ADGRL3: variants seen among roughly 807,000 people sequenced by gnomAD.
The protein encoded by ADGRL3 is calcium-independent alpha-latrotoxin receptor 3.
Under a neutral mutation model 153.5 loss-of-function variants are expected in ADGRL3, and 62 were observed. That is an observed-to-expected ratio of 0.40 (90% CI 0.33 to 0.50). ADGRL3 has a LOEUF of 0.50. Among genes scored for constraint, ADGRL3 ranks in the 20% least tolerant of loss-of-function variants. The pLI, the probability that ADGRL3 is intolerant of heterozygous loss-of-function variation, is 0.47. For missense variants in ADGRL3, 1,641 were observed against 1,859.4 expected, an observed-to-expected ratio of 0.88 and a Z score of 2.16; for synonymous variants, 710 against 672.5, an observed-to-expected ratio of 1.06 and a Z score of -0.86.
intron 5 of ADGRL3, among the ~76,000 whole-genome samples, chr4:61,618,769 T>C (rs1323770817): frequency 2.0e-5 from 3 of 152,054 alleles, no homozygotes. Flanking sequence ...CAAGCTGGAG[T>C]GTAATGGCAG....
At chr4:61,404,889 C>T (rs1298140235) in intron 2 of ADGRL3, among the ~76,000 whole-genome samples, 1 of 151,848 alleles carries the variant, frequency 6.6e-6, no homozygotes, top group African/African-American at 2.4e-5. Flanking sequence ...TACTAGTATC[C>T]TCATATTGCA....
In ADGRL3 at chr4:61,708,125, T is replaced by C. The variant is rs549548625; in HGVS notation, c.584-22497T>C. On this transcript the variant is annotated intron_variant, in intron 6 of 26. Coordinates refer to ENST00000683033, the MANE Select transcript of ADGRL3 (RefSeq NM_001387552.1). ...TTATTTCCAAACTTACCGTCTTCTT[T>C]TTGTTTAGTACTGCAAATATTTTCA... 1.9e-3 allele frequency among the ~76,000 whole-genome samples: 283 copies of C among 152,252 alleles called. 1 individual carries two copies. Among genetic ancestry groups the C allele is most frequent in the African/African-American group, 6.7e-3 (278 of 41,536 alleles).
chr4:61,668,342 CA>C (rs1465788349), intron 5 of ADGRL3, among the ~76,000 whole-genome samples: 2 of 152,176 alleles, frequency 1.3e-5, no homozygotes, highest in African/African-American at 4.8e-5. Flanking sequence ...CAAACCATGC[CA>C]GCATCTTGGT....
intron 5 of ADGRL3, among the ~76,000 whole-genome samples, chr4:61,612,277 T>G (rs907463002): frequency 1.5e-4 from 23 of 152,180 alleles, no homozygotes; most frequent in Admixed American, 9.2e-4. Flanking sequence ...TTATTGTGAA[T>G]TTTATCAAAC....
chr4:61,620,975 A>G (rs1371115625), intron 5 of ADGRL3, among the ~76,000 whole-genome samples: 1 of 151,922 alleles, frequency 6.6e-6, no homozygotes, highest in African/African-American at 2.4e-5. Context: ...TCTTTTCTGT[A>G]TTATGAACAG....
chr4:61,701,977 GTC>G (rs2095771459), intron 6 of ADGRL3, among the ~76,000 whole-genome samples: 2 of 152,048 alleles, frequency 1.3e-5, no homozygotes, highest in African/African-American at 4.8e-5. Context: ...ATGAAGAAAA[GTC>G]ATGAAACAAG....
At chr4:61,270,741 A>G (rs533069445) in intron 1 of ADGRL3, among the ~76,000 whole-genome samples, 2 of 151,766 alleles carry the variant, frequency 1.3e-5, no homozygotes, top group Non-Finnish European at 3.0e-5. Context: ...CAGCTAATAC[A>G]TATGGAGTCT....
At chr4:61,881,485 TCTC>T (rs1361741942) in intron 9 of ADGRL3, among the ~76,000 whole-genome samples, 1 of 152,126 alleles carries the variant, frequency 6.6e-6, no homozygotes, top group African/African-American at 2.4e-5. Flanking sequence ...CTCAAGCAAT[TCTC>T]CTGACTCAGC....
chr4:61,419,526 A>G (rs557428926), intron 2 of ADGRL3, among the ~76,000 whole-genome samples: 2 of 142,884 alleles, frequency 1.4e-5, no homozygotes, highest in Non-Finnish European at 2.9e-5. Context: ...AGAACAGTTG[A>G]CCTAATGTAA....
At chr4:61,916,950 C>T (rs2098747831) in intron 13 of ADGRL3, among the ~76,000 whole-genome samples, 1 of 151,352 alleles carries the variant, frequency 6.6e-6, no homozygotes, top group African/African-American at 2.4e-5. Context: ...GAGACTCCAT[C>T]TCCAAAAAAA....
rs1032246005 is a variant in ADGRL3, at chr4:61,903,676, A to T, written c.1888-5884A>T. 1.6e-3 allele frequency among the ~76,000 whole-genome samples: 204 copies of T among 128,976 alleles called. 2 individuals are homozygous for T. Among genetic ancestry groups the T allele is most frequent in the African/African-American group, 5.2e-3 (192 of 36,958 alleles). The allele number at this position is 128,976 out of a possible 152,430, so 84.6% of individuals were successfully genotyped here. A position where few individuals can be genotyped will look rare whatever the true frequency, so the allele number is the denominator to read the frequency against. On this transcript the variant is annotated intron_variant, in intron 11 of 26. Coordinates refer to ENST00000683033, the MANE Select transcript of ADGRL3 (RefSeq NM_001387552.1). ...AAAAAAAAAAAAAAAAAAAAAAAAA[A>T]AAAAAAAGAATAGAGGGTCAGAAAA...
At chr4:61,433,017 A>G (rs1280208186) in intron 2 of ADGRL3, among the ~76,000 whole-genome samples, 1 of 152,094 alleles carries the variant, frequency 6.6e-6, no homozygotes, top group Non-Finnish European at 1.5e-5. Context: ...CATAGAACAG[A>G]GAAATAAAAT....
intron 1 of ADGRL3, among the ~76,000 whole-genome samples, chr4:61,287,824 G>A (rs1411714725): frequency 6.6e-6 from 1 of 151,828 alleles, no homozygotes; most frequent in African/African-American, 2.4e-5. Flanking sequence ...AATTTCCCAT[G>A]GCTAGGAAAT....
chr4:62,032,291 C>T (rs940706003), intron 23 of ADGRL3, among the ~76,000 whole-genome samples: 1 of 151,086 alleles, frequency 6.6e-6, no homozygotes, highest in Admixed American at 6.6e-5. Flanking sequence ...TATAAATTTT[C>T]AAAGTTAATT....
At chr4:61,234,851 G>A (rs1471529163) in intron 1 of ADGRL3, among the ~76,000 whole-genome samples, 1 of 152,130 alleles carries the variant, frequency 6.6e-6, no homozygotes, top group Non-Finnish European at 1.5e-5. Context: ...AAGAAAAAAA[G>A]GAAGGTTTTG....
chr4:61,270,854 A>G (rs2093133830), intron 1 of ADGRL3, among the ~76,000 whole-genome samples: 1 of 151,646 alleles, frequency 6.6e-6, no homozygotes, highest in Non-Finnish European at 1.5e-5. Context: ...GGAAGACCTG[A>G]TACTGTTGTT....
chr4:61,321,985 C>A (rs1290905750), intron 1 of ADGRL3, among the ~76,000 whole-genome samples: 1 of 152,254 alleles, frequency 6.6e-6, no homozygotes, highest in African/African-American at 2.4e-5. Flanking sequence ...TCCATTTTCA[C>A]ACTGCTGATA....
chr4:61,558,487 A>G (rs1382785382), intron 4 of ADGRL3, among the ~76,000 whole-genome samples: 1 of 151,886 alleles, frequency 6.6e-6, no homozygotes, highest in Non-Finnish European at 1.5e-5. Context: ...CCAGAGATAA[A>G]ATAGATCTCT....
chr4:62,045,698 A>T (rs1056767745), intron 25 of ADGRL3, among the ~76,000 whole-genome samples: 1 of 151,948 alleles, frequency 6.6e-6, no homozygotes. Context: ...ATTGAGTTTC[A>T]TGTATTATTT....
Sources: allele counts gnomAD v4.1 joint callset (sites outside exome capture counted in the v4.1 genomes callset), GRCh38; gene constraint gnomAD v4.1.1; transcripts MANE v1.5; gene names NCBI Gene and HGNC (gene_info 2026-07-23, HGNC 2026-07-21).